The following TSPAN2 variants were observed in gnomAD, a reference collection of about 807,000 sequenced individuals.
TSPAN2 encodes the protein tetraspanin 2.
Under a neutral mutation model 33.3 loss-of-function variants are expected in TSPAN2, and 24 were observed. That is an observed-to-expected ratio of 0.72 (90% CI 0.52 to 1.01). TSPAN2 has a LOEUF of 1.01. Ranked by LOEUF, TSPAN2 falls within the 50% of genes least tolerant of loss-of-function variation. The probability of loss-of-function intolerance (pLI) is 0.00; values close to 1 mark genes in which losing one functional copy is unlikely to be tolerated. For synonymous variants in TSPAN2, 114 were observed against 104.5 expected (o/e 1.09, Z -0.56); for missense variants, 278 against 281.3 (o/e 0.99, Z 0.08).
chr1:115,081,712 C>T (rs374522969), intron 1 of TSPAN2, among the ~76,000 whole-genome samples: 2 of 152,216 alleles, frequency 1.3e-5, no homozygotes, highest in African/African-American at 4.8e-5. Context: ...TCATGTTACA[C>T]ACTGAGAACA....
rs1483322295 is a variant in TSPAN2 at position 115,049,629 on chromosome 1, A to T, written c.*861T>A. Reference sequence around the variant, plus strand: ...TTGGAGAAACAGAAGAGTTTGACATAAAAGTCCCTTTGAGGATGTGAGGGT... The same window carrying T: ...TTGGAGAAACAGAAGAGTTTGACATTAAAGTCCCTTTGAGGATGTGAGGGT... On this transcript the variant is annotated 3_prime_UTR_variant, in exon 8 of 8. Transcript: ENST00000369516. 2 of 152,626 alleles carry T rather than the reference A, an allele frequency of 1.3e-5. No homozygotes were observed. Among genetic ancestry groups the T allele is most frequent in the Non-Finnish European group, 2.9e-5 (2 of 68,022 alleles). 9.5% of individuals were successfully genotyped at this position (152,626 alleles called of 1,614,324 possible).
At chr1:115,086,127 T>A (rs1234427638) in intron 1 of TSPAN2, among the ~76,000 whole-genome samples, 2 of 152,200 alleles carry the variant, frequency 1.3e-5, no homozygotes, top group Non-Finnish European at 2.9e-5. Flanking sequence ...GCTTCCTATG[T>A]GCCGATAACA....
At chr1:115,055,803 A>G (rs1647397290) in intron 6 of TSPAN2, among the ~76,000 whole-genome samples, 1 of 152,152 alleles carries the variant, frequency 6.6e-6, no homozygotes, top group Non-Finnish European at 1.5e-5. Flanking sequence ...ATTACAGGTG[A>G]AATCATGATT....
intron 2 of TSPAN2, among the ~76,000 whole-genome samples, chr1:115,065,477 A>G (rs900431694): frequency 1.3e-5 from 2 of 152,368 alleles, no homozygotes; most frequent in Non-Finnish European, 2.9e-5. Context: ...TGAAAAATAG[A>G]AAACATTTTG....
chr1:115,066,368 G>A (rs1274453399), intron 2 of TSPAN2, among the ~76,000 whole-genome samples: 1 of 152,098 alleles, frequency 6.6e-6, no homozygotes, highest in Non-Finnish European at 1.5e-5. Context: ...AATAGTGTAC[G>A]AGGCTTCCCC....
intron 2 of TSPAN2, among the ~76,000 whole-genome samples, chr1:115,071,812 TG>T (rs1648185614): frequency 6.6e-6 from 1 of 152,196 alleles, no homozygotes; most frequent in Non-Finnish European, 1.5e-5. Context: ...GGATGCTGTG[TG>T]GGAAGAGTGT....
At chr1:115,087,432 G>A (rs999890347) in intron 1 of TSPAN2, among the ~76,000 whole-genome samples, 8 of 151,740 alleles carry the variant, frequency 5.3e-5, no homozygotes, top group Admixed American at 1.3e-4. Flanking sequence ...TGGCTAACAC[G>A]GTAAAATCCC....
chr1:115,084,189 G>A (rs965811843), intron 1 of TSPAN2, among the ~76,000 whole-genome samples: 1 of 152,130 alleles, frequency 6.6e-6, no homozygotes. Context: ...TTACTGATAT[G>A]TTATTATTTA....
chr1:115,084,111 A>C lies in TSPAN2; in HGVS notation c.69+5253T>G, dbSNP rs1390249162. Among the ~76,000 whole-genome samples the C allele has an allele frequency of 2.0e-5, 3 of 152,206 alleles. No homozygotes were observed. In the East Asian group the frequency reaches 5.8e-4, roughly 29 times the overall value. On this transcript the variant is annotated intron_variant, in intron 1 of 7. Coordinates refer to ENST00000369516, the MANE Select transcript of TSPAN2 (RefSeq NM_005725.6). ...TAAAACACCTGCCTGCTTTGTTGTG[A>C]CTTTATGAACCTCTTGGATTCTAGA...
intron 2 of TSPAN2, among the ~76,000 whole-genome samples, chr1:115,070,576 C>T (rs1013428163): frequency 6.6e-6 from 1 of 151,928 alleles, no homozygotes; most frequent in Non-Finnish European, 1.5e-5. Context: ...GCCCACCATG[C>T]CCTAGTCCTC....
At chr1:115,053,539 C>A in intron 6 of TSPAN2, 77 bp from the exon 7 acceptor site, 1 of 1,209,764 alleles carries the variant, frequency 8.3e-7, no homozygotes, top group Non-Finnish European at 1.2e-6. Flanking sequence ...TCCTTTCCAT[C>A]TCTACAGTTC....
At chr1:115,079,318 T>C (rs1424425807) in intron 1 of TSPAN2, among the ~76,000 whole-genome samples, 1 of 152,256 alleles carries the variant, frequency 6.6e-6, no homozygotes, top group African/African-American at 2.4e-5. Flanking sequence ...TTTCATTAAA[T>C]GCTTTTAAGC....
At chr1:115,053,803 A>G (rs1647281573) in intron 6 of TSPAN2, among the ~76,000 whole-genome samples, 1 of 152,250 alleles carries the variant, frequency 6.6e-6, no homozygotes, top group Non-Finnish European at 1.5e-5. Context: ...AATAAGTAAA[A>G]TACCCTTAAA....
At chr1:115,077,915 G>T (rs1557883968) in intron 1 of TSPAN2, among the ~76,000 whole-genome samples, 1 of 152,240 alleles carries the variant, frequency 6.6e-6, no homozygotes, top group African/African-American at 2.4e-5. Flanking sequence ...CTGGAGGTTA[G>T]CCAACCAGAT....
intron 6 of TSPAN2, among the ~76,000 whole-genome samples, chr1:115,056,740 C>T (rs1181321192): frequency 6.6e-6 from 1 of 152,160 alleles, no homozygotes; most frequent in Non-Finnish European, 1.5e-5. Context: ...GTTCATCCCT[C>T]CTATCAGACT....
intron 6 of TSPAN2, 95 bp from the exon 7 acceptor site, chr1:115,053,557 G>A (rs1647272364): frequency 3.8e-6 from 4 of 1,047,390 alleles, no homozygotes; most frequent in Admixed American, 2.0e-5. Flanking sequence ...TTCATTCTGT[G>A]AGAGTTAATC....
Position 115,085,802 on chromosome 1 carries a change from C to T in TSPAN2, c.69+3562G>A, listed in dbSNP as rs566603389. On this transcript the variant is annotated intron_variant, in intron 1 of 7. Coordinates refer to ENST00000369516, the MANE Select transcript of TSPAN2 (RefSeq NM_005725.6). ...GAGGTGCCTGTTTCAGTTGCCTCTT[C>T]GCTCTAGTTGCTGCCTCCACCCCCA... Among the ~76,000 whole-genome samples, 41 of 152,234 alleles carry T rather than the reference C, an allele frequency of 2.7e-4. 1 individual carries two copies. In the South Asian group the frequency reaches 6.4e-3, roughly 24 times the overall value.
At chr1:115,080,245 C>T (rs1648572903) in intron 1 of TSPAN2, among the ~76,000 whole-genome samples, 1 of 152,144 alleles carries the variant, frequency 6.6e-6, no homozygotes, top group Non-Finnish European at 1.5e-5. Flanking sequence ...GATTAGGGAA[C>T]ATCAAGAATT....
intron 1 of TSPAN2, among the ~76,000 whole-genome samples, chr1:115,080,590 A>G (rs1237323416): frequency 6.6e-6 from 1 of 152,174 alleles, no homozygotes; most frequent in Non-Finnish European, 1.5e-5. Flanking sequence ...AGTCTTCTTT[A>G]TACTATACAG....
Sources: allele counts gnomAD v4.1 joint callset (sites outside exome capture counted in the v4.1 genomes callset), GRCh38; gene constraint gnomAD v4.1.1; transcripts MANE v1.5; gene names NCBI Gene and HGNC (gene_info 2026-07-23, HGNC 2026-07-21).